Variants in GTPBP4 observed in about 807,000 individuals in gnomAD.
GTPBP4 encodes GTP binding protein 4, also known as GTP-binding protein 4.
Under a neutral mutation model 81.7 loss-of-function variants are expected in GTPBP4, and 15 were observed. The ratio of observed to expected loss-of-function variants is 0.18; its 90% confidence interval spans 0.12 to 0.28. GTPBP4 has a LOEUF of 0.28. Among genes scored for constraint, GTPBP4 ranks in the 10% least tolerant of loss-of-function variants. The probability of loss-of-function intolerance (pLI) is 1.00; values close to 1 mark genes in which losing one functional copy is unlikely to be tolerated. For missense variants in GTPBP4, 847 were observed against 793.8 expected, an observed-to-expected ratio of 1.07 and a Z score of -0.81; for synonymous variants, 272 against 274.6, an observed-to-expected ratio of 0.99 and a Z score of 0.09.
At chr10:990,278 T>C (rs1361077916) in intron 1 of GTPBP4, among the ~76,000 whole-genome samples, 6 of 151,948 alleles carry the variant, frequency 3.9e-5, no homozygotes. Flanking sequence ...TGTTTGGTGA[T>C]TGGAAGTAAA....
chr10:1,005,781 G>T, intron 8 of GTPBP4, 37 bp from the exon 9 acceptor site: 1 of 1,162,080 alleles, frequency 8.6e-7, no homozygotes, highest in East Asian at 2.3e-5. Context: ...AACTGGAAAT[G>T]AATAATACAT....
intron 1 of GTPBP4, among the ~76,000 whole-genome samples, chr10:990,855 T>C (rs1831429205): frequency 6.6e-6 from 1 of 150,462 alleles, no homozygotes; most frequent in African/African-American, 2.5e-5. Flanking sequence ...TGTGGTAAGT[T>C]GGAGAGTCAG....
In GTPBP4 at chr10:1,017,146, G is replaced by A. The variant is rs754930915; in HGVS notation, c.1824G>A (p.Glu608=). 9 of 1,613,812 alleles carry A rather than the reference G, an allele frequency of 5.6e-6. 1 individual carries two copies. The South Asian group carries it at 9.9e-5, about 18-fold the overall frequency. Residue 608 remains glutamate (E), a synonymous_variant, in exon 17 of 17, where the codon GAG becomes GAA. Coordinates refer to ENST00000360803, the MANE Select transcript of GTPBP4 (RefSeq NM_012341.3). ...TGAATCGGTTGGGGAAGAAAGGGGA[G>A]GCGGATAGACACGTGTTTGATATGA... ...KKMNRLGKKG[E]ADRHVFDMKP...
At chr10:1,011,007 C>G (rs76852613) in intron 13 of GTPBP4, among the ~76,000 whole-genome samples, 6,067 of 141,450 alleles carry the variant, frequency 0.043, 232 homozygotes, top group Middle Eastern at 0.09. Flanking sequence ...CCTTCCCCCC[C>G]ACCCTGTGTC....
intron 13 of GTPBP4, among the ~76,000 whole-genome samples, 158 bp downstream of exon 13, chr10:1,010,678 C>G (rs1831837544): frequency 6.6e-6 from 1 of 150,820 alleles, no homozygotes; most frequent in African/African-American, 2.4e-5. Context: ...CACCCTGAGA[C>G]TCTGGTGGAG....
intron 11 of GTPBP4, 145 bp downstream of exon 11, chr10:1,009,180 C>T (rs1454052165): frequency 4.7e-6 from 3 of 632,696 alleles, no homozygotes; most frequent in Non-Finnish European, 8.4e-6. Context: ...GTGAGTCCCC[C>T]TGCAGAAGCC....
At chr10:992,408 A>G (rs1264378991) in intron 1 of GTPBP4, 81 bp from the exon 2 acceptor site, 3 of 929,744 alleles carry the variant, frequency 3.2e-6, no homozygotes, top group Non-Finnish European at 5.0e-6. Flanking sequence ...TCAAAAAAAA[A>G]AAAAAAAAGG....
chr10:1,012,936 C>G (rs1440289943), intron 14 of GTPBP4, among the ~76,000 whole-genome samples: 1 of 152,186 alleles, frequency 6.6e-6, no homozygotes, highest in Non-Finnish European at 1.5e-5. Context: ...TTATGGTTCA[C>G]AGACGTTCAA....
rs113010697 is a variant in GTPBP4, at chr10:1,010,783, C to T, written c.1344+263C>T. On this transcript the variant is annotated intron_variant, in intron 13 of 16. Transcript: ENST00000360803. Reference sequence around the variant, plus strand: ...GACACTCTGGTGGAGATGCTGGGCCCCTTCGTTATCCTGCACCCCTCCATC... The same window carrying T: ...GACACTCTGGTGGAGATGCTGGGCCTCTTCGTTATCCTGCACCCCTCCATC... Among the ~76,000 whole-genome samples the T allele has an allele frequency of 2.2e-3, 229 of 106,170 alleles. 9 individuals carry two copies. The highest frequency in any genetic ancestry group is 3.2e-3 in the Non-Finnish European group (147 of 45,466). 69.7% of individuals were successfully genotyped at this position (106,170 alleles called of 152,430 possible). A position where few individuals can be genotyped will look rare whatever the true frequency, so the allele number is the denominator to read the frequency against.
Position 998,724 on chromosome 10 carries a change from A to G in GTPBP4, c.562-279A>G, listed in dbSNP as rs182089658. 3.8e-3 allele frequency among the ~76,000 whole-genome samples: 575 copies of G among 152,352 alleles called. 4 individuals carry two copies. The highest frequency in any genetic ancestry group is 0.013 in the African/African-American group (523 of 41,578). ...CAGACAGAACATGCCTGTCATCATA[A>G]AGAGCTCTGCGGGCATTGCAGGCGG... On this transcript the variant is annotated intron_variant, in intron 5 of 16. Coordinates refer to ENST00000360803, the MANE Select transcript of GTPBP4 (RefSeq NM_012341.3).
At position 988,448 on chromosome 10, in the gene GTPBP4, T is replaced by A. The variant is rs767938573; in HGVS notation, c.-32T>A. On this transcript the variant is annotated 5_prime_UTR_variant, in exon 1 of 17. Coordinates refer to ENST00000360803, the MANE Select transcript of GTPBP4 (RefSeq NM_012341.3). Reference sequence around the variant, plus strand: ...CGCCCGACGGCGGAAGTTCCGGGAGTGCCAAGTACCCGCGTGCATACGGCT... The same window carrying A: ...CGCCCGACGGCGGAAGTTCCGGGAGAGCCAAGTACCCGCGTGCATACGGCT... 1 of 1,603,030 alleles carries A rather than the reference T, an allele frequency of 6.2e-7. No homozygotes were observed. The highest frequency in any genetic ancestry group is 2.2e-5 in the East Asian group (1 of 44,678).
chr10:1,005,250 A>G (rs1318423874), intron 8 of GTPBP4, among the ~76,000 whole-genome samples: 2 of 152,080 alleles, frequency 1.3e-5, no homozygotes, highest in South Asian at 2.1e-4. Context: ...GGTTCACACC[A>G]TTCTCCTGCC....
intron 8 of GTPBP4, among the ~76,000 whole-genome samples, chr10:1,003,558 A>G (rs1200089825): frequency 6.6e-5 from 10 of 152,060 alleles, no homozygotes; most frequent in Non-Finnish European, 1.3e-4. Flanking sequence ...TTTCATGGAG[A>G]GGTTTTCACC....
Position 992,642 on chromosome 10 carries a change from G to C in GTPBP4, c.202G>C (p.Asp68His), listed in dbSNP as rs1589022274. The change falls in exon 2 of 17, where the codon GAT becomes CAT. Residue 68 changes from aspartate to histidine, a missense_variant. By Grantham distance (81) the Asp-to-His change is moderately conservative (BLOSUM62 -1). Coordinates refer to ENST00000360803, the MANE Select transcript of GTPBP4 (RefSeq NM_012341.3). ...TGATAGACTTTCACAAATTCTAACA[G>C]ATTTCCCCAAATTGGATGTAAGTGA... ...YHDRLSQILT[D>H]FPKLDDIHPF... 1.9e-6 allele frequency: 3 copies of C among 1,605,470 alleles called. No individual in the cohort carries two copies. Among genetic ancestry groups the C allele is most frequent in the East Asian group, 2.2e-5 (1 of 44,818 alleles).
chr10:994,626 A>G (rs182805197), intron 2 of GTPBP4, among the ~76,000 whole-genome samples: 80 of 152,328 alleles, frequency 5.3e-4, no homozygotes, highest in Middle Eastern at 6.8e-3. Flanking sequence ...ATTTTAGCCA[A>G]CAACATACTT....
chr10:1,005,026 A>AG (rs1001594748), intron 8 of GTPBP4, among the ~76,000 whole-genome samples: 7 of 152,142 alleles, frequency 4.6e-5, no homozygotes, highest in Non-Finnish European at 1.0e-4. Flanking sequence ...GAGTGGTGGC[A>AG]GGGCTGCTGC....
rs558384193 is a variant in GTPBP4 at position 1,019,243 on chromosome 10, T to C, written c.*2016T>C. 2 of 356,422 alleles carry C rather than the reference T, an allele frequency of 5.6e-6. No homozygotes were observed. The highest frequency in any genetic ancestry group is 4.6e-5 in the Admixed American group (1 of 21,864). The allele number at this position is 356,422 out of a possible 1,614,324, so 22.1% of individuals were successfully genotyped here. On this transcript the variant is annotated 3_prime_UTR_variant, in exon 17 of 17. Transcript: ENST00000360803. ...CCCCAAGACTTTCAGGATCAGCTGC[T>C]GTTAATCAAACAAGTGCTTATAAAA...
chr10:999,864 C>T (rs1037479017), intron 6 of GTPBP4, among the ~76,000 whole-genome samples: 2 of 152,166 alleles, frequency 1.3e-5, no homozygotes, highest in African/African-American at 4.8e-5. Flanking sequence ...AAGGCTGAGG[C>T]TGGAGAATCG....
chr10:996,562 C>T (rs1250888), intron 4 of GTPBP4: 189,674 of 190,984 alleles, frequency 0.99, 94,201 homozygotes, highest in East Asian at 1. Flanking sequence ...TTTTTAAAAA[C>T]ACTTGTATTT....
Sources: gnomAD v4.1 joint callset for allele counts (sites outside exome capture counted in the v4.1 genomes callset) on GRCh38, gnomAD v4.1.1 for gene constraint, MANE v1.5 for transcripts, NCBI Gene and HGNC (gene_info 2026-07-23, HGNC 2026-07-21) for gene names.